The following VAX2 variants were observed in gnomAD, a reference collection of about 807,000 sequenced individuals.
VAX2 encodes the protein ventral anterior homeobox 2.
VAX2 carries 8 observed loss-of-function variants against 12.5 expected under a neutral mutation model. That is an observed-to-expected ratio of 0.64 (90% CI 0.37 to 1.15). VAX2 has a LOEUF of 1.15. Ranked by LOEUF, VAX2 falls within the 50% of genes most tolerant of loss-of-function variation. VAX2 has a pLI of 0.01. For missense variants in VAX2, 476 were observed against 412.9 expected (o/e 1.15, Z -1.32); for synonymous variants, 183 against 187.6 (o/e 0.98, Z 0.20).
At chr2:70,915,617 C>G (rs1056673203) in intron 1 of VAX2, among the ~76,000 whole-genome samples, 1 of 152,150 alleles carries the variant, frequency 6.6e-6, no homozygotes, top group Admixed American at 6.5e-5. Flanking sequence ...TTGTAATGCC[C>G]TTATAATTTT....
At chr2:70,909,143 AT>A (rs1259265418) in intron 1 of VAX2, among the ~76,000 whole-genome samples, 4 of 152,064 alleles carry the variant, frequency 2.6e-5, no homozygotes, top group African/African-American at 9.7e-5. Flanking sequence ...GAAGTATAAA[AT>A]GTCTTTTTAT....
rs1481493666 is a variant in VAX2, at chr2:70,904,176, C to T, written c.247+3308C>T. Among the ~76,000 whole-genome samples the T allele has an allele frequency of 6.6e-6, 1 of 152,252 alleles. No individual in the cohort carries two copies. The highest frequency in any genetic ancestry group is 1.5e-5 in the Non-Finnish European group (1 of 68,048). ...GCTCCACACCTCCGCGTGCACAGTC[C>T]CTAGACCAGTGAGGGCGGGGACGGG... On this transcript the variant is annotated intron_variant, in intron 1 of 2. Transcript: ENST00000234392. This position sits in a 1 kb window ranked among gnomAD's most constrained non-coding sequence, Gnocchi z 4.2.
chr2:70,929,929 G>A (rs1679657918), intron 2 of VAX2, among the ~76,000 whole-genome samples: 2 of 150,824 alleles, frequency 1.3e-5, no homozygotes, highest in Admixed American at 6.6e-5. Context: ...ACTGGGCTTT[G>A]TTCACTGCTG....
At chr2:70,906,508 TCTTTTCTTTTC>T (rs1235549211) in intron 1 of VAX2, among the ~76,000 whole-genome samples, 21 of 144,110 alleles carry the variant, frequency 1.5e-4, no homozygotes, top group Non-Finnish European at 3.1e-4. Flanking sequence ...TCTTTTTTTT[TCTTTTCTTTTC>T]CTTTTTTTTT....
At chr2:70,912,525 G>A (rs1553411358) in intron 1 of VAX2, among the ~76,000 whole-genome samples, 2 of 152,162 alleles carry the variant, frequency 1.3e-5, no homozygotes, top group East Asian at 1.9e-4. Context: ...AGCCAGGCGC[G>A]GTGGTGGGCG....
chr2:70,929,065 C>T (rs1679633603), intron 2 of VAX2, among the ~76,000 whole-genome samples: 1 of 152,176 alleles, frequency 6.6e-6, no homozygotes, highest in South Asian at 2.1e-4. Flanking sequence ...GCGCTATGGT[C>T]CTTGAGGATC....
intron 2 of VAX2, among the ~76,000 whole-genome samples, chr2:70,928,347 G>A (rs1176013147): frequency 1.3e-5 from 2 of 152,208 alleles, no homozygotes; most frequent in African/African-American, 4.8e-5. Context: ...CCATTCCCTA[G>A]AGATTCTGAT....
chr2:70,932,706 T>A, intron 2 of VAX2, 61 bp from the exon 3 acceptor site: 6 of 838,908 alleles, frequency 7.2e-6, no homozygotes, highest in African/African-American at 2.4e-5. Flanking sequence ...TCCTCCCACC[T>A]GCCCCCACTT....
chr2:70,919,250 T>TA (rs147492404), intron 1 of VAX2, among the ~76,000 whole-genome samples: 4,959 of 134,682 alleles, frequency 0.037, 160 homozygotes, highest in Middle Eastern at 0.083. Context: ...AAAAAAAGAA[T>TA]AAAAAAAAAA....
chr2:70,911,199 G>GT (rs200188736), intron 1 of VAX2, among the ~76,000 whole-genome samples: 2,338 of 152,024 alleles, frequency 0.015, 28 homozygotes, highest in Middle Eastern at 0.044. Context: ...TACTTTTACT[G>GT]TTTTTTTAAT....
chr2:70,912,657 G>A (rs1231214906), intron 1 of VAX2, among the ~76,000 whole-genome samples: 3 of 151,966 alleles, frequency 2.0e-5, no homozygotes, highest in South Asian at 2.1e-4. Context: ...GTGAGACTCC[G>A]TTTCAAAAAA....
intron 1 of VAX2, among the ~76,000 whole-genome samples, chr2:70,911,053 A>C (rs369993668): frequency 6.6e-6 from 1 of 152,198 alleles, no homozygotes; most frequent in African/African-American, 2.4e-5. Flanking sequence ...ATAATAAAGA[A>C]AGACAAAAAA....
intron 2 of VAX2, among the ~76,000 whole-genome samples, chr2:70,931,816 T>G (rs1288700850): frequency 1.3e-5 from 2 of 152,264 alleles, no homozygotes; most frequent in Non-Finnish European, 2.9e-5. Flanking sequence ...GTGAACAGGC[T>G]GGGGCAGCCA....
At chr2:70,905,751 T>G (rs782196660) in intron 1 of VAX2, among the ~76,000 whole-genome samples, 8 of 152,116 alleles carry the variant, frequency 5.3e-5, no homozygotes, top group Non-Finnish European at 1.2e-4. Flanking sequence ...GGCCAAATCC[T>G]TTGGAAGCCC....
At chr2:70,930,854 T>C (rs1475766462) in intron 2 of VAX2, among the ~76,000 whole-genome samples, 1 of 151,698 alleles carries the variant, frequency 6.6e-6, no homozygotes, top group Non-Finnish European at 1.5e-5. Flanking sequence ...TATTGGGCCC[T>C]CCCCTCCACG....
At chr2:70,916,409 T>A (rs1489496391) in intron 1 of VAX2, among the ~76,000 whole-genome samples, 1 of 152,206 alleles carries the variant, frequency 6.6e-6, no homozygotes, top group Non-Finnish European at 1.5e-5. Context: ...TTTTTGTTTT[T>A]TGTATATAGT....
At chr2:70,920,411 C>T (rs1164429118) in intron 1 of VAX2, among the ~76,000 whole-genome samples, 1 of 152,126 alleles carries the variant, frequency 6.6e-6, no homozygotes, top group African/African-American at 2.4e-5. Context: ...GGGCATTGGT[C>T]AGAGCCCAGG....
chr2:70,932,731 C>G (rs782129347), intron 2 of VAX2, 36 bp from the exon 3 acceptor site: 20 of 1,463,142 alleles, frequency 1.4e-5, no homozygotes, highest in Non-Finnish European at 1.7e-5. Flanking sequence ...TTGCCTGTCC[C>G]ATCTCCCTCC....
intron 1 of VAX2, among the ~76,000 whole-genome samples, chr2:70,902,944 C>A (rs1678966404): frequency 6.6e-6 from 1 of 152,206 alleles, no homozygotes; most frequent in Non-Finnish European, 1.5e-5. Flanking sequence ...GATATATTTA[C>A]ACACTTGACA....
Sources: allele counts gnomAD v4.1 joint callset (sites outside exome capture counted in the v4.1 genomes callset), GRCh38; gene constraint gnomAD v4.1.1; non-coding constraint Gnocchi (gnomAD v3.1); transcripts MANE v1.5; gene names NCBI Gene and HGNC (gene_info 2026-07-23, HGNC 2026-07-21).